ITGB8: variants seen among roughly 807,000 people sequenced by gnomAD.
ITGB8 encodes integrin beta-8.
Under a neutral mutation model 89.5 loss-of-function variants are expected in ITGB8, and 30 were observed. That is an observed-to-expected ratio of 0.34 (90% CI 0.25 to 0.45). The LOEUF (loss-of-function observed/expected upper bound fraction) is 0.45, where lower values mean the gene tolerates loss of function less well. Ranked by LOEUF, ITGB8 falls within the 20% of genes least tolerant of loss-of-function variation. The probability of loss-of-function intolerance (pLI) is 1.00; values close to 1 mark genes in which losing one functional copy is unlikely to be tolerated. For synonymous variants in ITGB8, 335 were observed against 320.4 expected, an observed-to-expected ratio of 1.05 and a Z score of -0.49; for missense variants, 836 against 933.3, an observed-to-expected ratio of 0.90 and a Z score of 1.36.
At chr7:20,352,563 GAAGATA>G (rs1785147623) in intron 1 of ITGB8, 1 of 152,146 alleles carries the variant, frequency 6.6e-6, no homozygotes, top group East Asian at 1.9e-4. Flanking sequence ...GATATAATCT[GAAGATA>G]ATCAAACAGC....
chr7:20,363,557 C>A, intron 1 of ITGB8, 80 bp from the exon 2 acceptor site: 1 of 712,664 alleles, frequency 1.4e-6, no homozygotes, highest in Non-Finnish European at 2.1e-6. Flanking sequence ...TTCAATTGTT[C>A]ATTTGTTTCA....
intron 1 of ITGB8, among the ~76,000 whole-genome samples, chr7:20,341,463 GC>G (rs1784752846): frequency 6.6e-6 from 1 of 152,184 alleles, no homozygotes; most frequent in Non-Finnish European, 1.5e-5. Flanking sequence ...TAATCAGAGA[GC>G]CTGACGTCAG....
At chr7:20,388,624 G>A (rs551410205) in intron 6 of ITGB8, among the ~76,000 whole-genome samples, 5 of 151,784 alleles carry the variant, frequency 3.3e-5, no homozygotes, top group Admixed American at 6.6e-5. Context: ...TTGAAAATTC[G>A]ACTAATCTTT....
At chr7:20,408,120 C>T (rs1348617445) in intron 12 of ITGB8, among the ~76,000 whole-genome samples, 1 of 152,206 alleles carries the variant, frequency 6.6e-6, no homozygotes, top group Admixed American at 6.5e-5. Flanking sequence ...CACGTGCCCC[C>T]TCTGATGATC....
chr7:20,387,642 G>T (rs1786681292), intron 6 of ITGB8, among the ~76,000 whole-genome samples: 2 of 152,180 alleles, frequency 1.3e-5, no homozygotes, highest in Admixed American at 1.3e-4. Context: ...GAAAGAGGGT[G>T]CTACTGGCAC....
chr7:20,373,879 C>T (rs78397406), intron 3 of ITGB8, among the ~76,000 whole-genome samples: 1,648 of 152,266 alleles, frequency 0.011, 35 homozygotes, highest in African/African-American at 0.038. Flanking sequence ...GTGCCCAGTA[C>T]ATCAGAGATG....
intron 1 of ITGB8, among the ~76,000 whole-genome samples, chr7:20,337,166 T>C (rs558078898): frequency 2.0e-5 from 3 of 152,280 alleles, no homozygotes; most frequent in East Asian, 3.9e-4. Context: ...TAATAAAATA[T>C]AAAAAGTAAT....
rs141031298 is a variant in ITGB8, at chr7:20,339,070, C to G, written c.127+7137C>G. Among the ~76,000 whole-genome samples the G allele has an allele frequency of 1.2e-4, 18 of 151,854 alleles. No individual in the cohort carries two copies. In the East Asian group the frequency reaches 2.5e-3, roughly 21 times the overall value. ...AGCTGGATGTGGTTGCACACACCTA[C>G]AGTCCCAGCTACTCAGGAGGCTGGG... On this transcript the variant is annotated intron_variant, in intron 1 of 13. Transcript: ENST00000222573.
chr7:20,331,379 C>A lies in ITGB8; in HGVS notation c.-428C>A, dbSNP rs1045909426. 3 of 398,094 alleles carry A rather than the reference C, an allele frequency of 7.5e-6. No homozygotes were observed. Among genetic ancestry groups the A allele is most frequent in the Non-Finnish European group, 1.3e-5 (3 of 226,690 alleles). 24.7% of individuals were successfully genotyped at this position (398,094 alleles called of 1,614,324 possible). ...AATGTACATTAGGGTGGTTTCCCCC[C>A]CAGCTTCGGGCTTTGTTTGGGTTTG... On this transcript the variant is annotated 5_prime_UTR_variant, in exon 1 of 14. Coordinates refer to ENST00000222573, the MANE Select transcript of ITGB8 (RefSeq NM_002214.3).
intron 2 of ITGB8, chr7:20,366,771 G>GA (rs980767460): frequency 1.6e-3 from 615 of 381,592 alleles, no homozygotes; most frequent in East Asian, 2.6e-3. Context: ...CTCCGACACA[G>GA]AAAAAAAAAG....
At chr7:20,339,647 A>G (rs1784688370) in intron 1 of ITGB8, among the ~76,000 whole-genome samples, 2 of 152,232 alleles carry the variant, frequency 1.3e-5, no homozygotes, top group Admixed American at 1.3e-4. Context: ...TTAAAATTGC[A>G]TTGTTAAAGT....
rs1787696329 is a variant in ITGB8 at position 20,409,862 on chromosome 7, C to T, written c.2188-13C>T. 1 of 1,612,132 alleles carries T rather than the reference C, an allele frequency of 6.2e-7. No homozygotes were observed. Among genetic ancestry groups the T allele is most frequent in the Non-Finnish European group, 8.5e-7 (1 of 1,179,148 alleles). ...AGGCCCTTAGTTAATAATAATATTT[C>T]TTCTCTATTAAGGATAAGTTGATTC... On this transcript the variant is annotated splice_polypyrimidine_tract_variant and intron_variant, in intron 13 of 13. Transcript: ENST00000222573.
At chr7:20,332,103 TGTCAAGCATTTC>T in intron 1 of ITGB8, 170 bp downstream of exon 1, 1 of 1,358,928 alleles carries the variant, frequency 7.4e-7, no homozygotes, top group Non-Finnish European at 9.6e-7. Context: ...AGAGGCCAGG[TGTCAAGCATTTC>T]TGCCCTGGAG....
At chr7:20,391,660 A>G (rs781580898) in intron 7 of ITGB8, among the ~76,000 whole-genome samples, 162 bp downstream of exon 7, 5 of 152,218 alleles carry the variant, frequency 3.3e-5, no homozygotes, top group African/African-American at 1.2e-4. Flanking sequence ...GTCTTAACTT[A>G]GCATTTAAGC....
At position 20,384,869 on chromosome 7, in the gene ITGB8, G is replaced by C. The variant is rs532035126; in HGVS notation, c.960+2984G>C. Reference sequence around the variant, plus strand: ...TATTTGTATATGGTTGCTGGCAAATGATGTTACACTATTGAATAAATTACA... The same window carrying C: ...TATTTGTATATGGTTGCTGGCAAATCATGTTACACTATTGAATAAATTACA... On this transcript the variant is annotated intron_variant, in intron 6 of 13. Transcript: ENST00000222573. Among the ~76,000 whole-genome samples the C allele has an allele frequency of 2.0e-5, 3 of 152,280 alleles. No individual in the cohort carries two copies. The South Asian group carries it at 6.2e-4, about 32-fold the overall frequency.
chr7:20,366,332 A>G (rs948251028), intron 2 of ITGB8: 1 of 152,232 alleles, frequency 6.6e-6, no homozygotes, highest in Non-Finnish European at 1.5e-5. Flanking sequence ...CAAAGGGAAT[A>G]TGATAGAATT....
intron 1 of ITGB8, among the ~76,000 whole-genome samples, chr7:20,334,519 A>C (rs4460267): frequency 4.0e-5 from 6 of 151,762 alleles, no homozygotes; most frequent in African/African-American, 1.4e-4. Context: ...TGTTTATTCA[A>C]GTATCAATTA....
chr7:20,343,604 C>T (rs1784832792), intron 1 of ITGB8, among the ~76,000 whole-genome samples: 1 of 152,158 alleles, frequency 6.6e-6, no homozygotes, highest in Non-Finnish European at 1.5e-5. Context: ...ATGGAGAAGC[C>T]ATCAAAATTA....
intron 1 of ITGB8, among the ~76,000 whole-genome samples, chr7:20,343,578 C>CA (rs968577733): frequency 2.6e-5 from 4 of 151,452 alleles, no homozygotes; most frequent in South Asian, 2.1e-4. Context: ...TAAGTAATTA[C>CA]AAAAAAAAAT....
Sources: allele counts gnomAD v4.1 joint callset (sites outside exome capture counted in the v4.1 genomes callset), GRCh38; gene constraint gnomAD v4.1.1; transcripts MANE v1.5; gene names NCBI Gene and HGNC (gene_info 2026-07-23, HGNC 2026-07-21).